The following LMOD3 variants were observed in gnomAD, a reference collection of about 807,000 sequenced individuals.
The protein encoded by LMOD3 is leiomodin 3.
LMOD3 carries 31 observed loss-of-function variants against 41.8 expected under a neutral mutation model. The ratio of observed to expected loss-of-function variants is 0.74; its 90% CI spans 0.56 to 1.00. LMOD3 has a LOEUF of 1.00. Ranked by LOEUF, LMOD3 falls within the 50% of genes least tolerant of loss-of-function variation. The pLI, the probability that LMOD3 is intolerant of heterozygous loss-of-function variation, is 0.00. For synonymous variants in LMOD3, 292 were observed against 241.9 expected, an observed-to-expected ratio of 1.21 and a Z score of -1.92; for missense variants, 755 against 679.5, an observed-to-expected ratio of 1.11 and a Z score of -1.23.
chr3:69,111,654 C>G (rs2092350779), intron 2 of LMOD3, among the ~76,000 whole-genome samples: 1 of 152,208 alleles, frequency 6.6e-6, no homozygotes, highest in Non-Finnish European at 1.5e-5. Flanking sequence ...TAACTCAAAG[C>G]AGCCAGGCCC....
At position 69,119,502 on chromosome 3, in the gene LMOD3, T is replaced by C. The variant is rs2092395946; in HGVS notation, c.853A>G (p.Lys285Glu). 6.2e-7 allele frequency: 1 copy of C among 1,613,926 alleles called. No homozygotes were observed. Among genetic ancestry groups the C allele is most frequent in the Non-Finnish European group, 8.5e-7 (1 of 1,179,894 alleles). ...VNAMKKNKHI[K>E]TFSLANVGAD... is the part of the protein sequence containing the mutation. ...CCCACATTGGCTAAACTGAATGTTT[T>C]GATGTGCTTGTTTTTCTTCATTGCA... Residue 285 changes from lysine (K) to glutamate (E), a missense_variant, in exon 2 of 3, where the codon AAA becomes GAA. Physicochemically the swap from Lys to Glu is moderately conservative, Grantham distance 56. Coordinates refer to ENST00000420581, the MANE Select transcript of LMOD3 (RefSeq NM_198271.5).
intron 2 of LMOD3, among the ~76,000 whole-genome samples, chr3:69,111,802 T>C (rs985013088): frequency 1.3e-5 from 2 of 152,182 alleles, no homozygotes; most frequent in Non-Finnish European, 2.9e-5. Flanking sequence ...CAGACACATA[T>C]TTACTTTAAA....
Position 69,119,624 on chromosome 3 carries a change from C to T in LMOD3, c.731G>A (p.Ser244Asn), listed in dbSNP as rs763490167. 6 of 1,613,810 alleles carry T rather than the reference C, an allele frequency of 3.7e-6. No individual in the cohort carries two copies. The highest frequency in any genetic ancestry group is 1.3e-5 in the African/African-American group (1 of 75,046). The change falls in exon 2 of 3, where the codon AGC becomes AAC. Residue 244 changes from serine to asparagine, a missense_variant. Transcript: ENST00000420581. ...ATCATTTTTCCTAACTCTCCTCAAGCTCCCATCCAGGTCTGTCTGGTTTCC... is the reference window on the plus strand; with the variant it reads ...ATCATTTTTCCTAACTCTCCTCAAGTTCCCATCCAGGTCTGTCTGGTTTCC... ...PSGNQTDLDG[S>N]LRRVRKNDPD...
At chr3:69,116,764 A>G (rs938995012) in intron 2 of LMOD3, among the ~76,000 whole-genome samples, 3 of 152,190 alleles carry the variant, frequency 2.0e-5, no homozygotes, top group African/African-American at 7.2e-5. Flanking sequence ...TGCCTGACAT[A>G]TATATTTGTT....
chr3:69,121,112 A>G (rs944254368), intron 1 of LMOD3, among the ~76,000 whole-genome samples: 7 of 152,226 alleles, frequency 4.6e-5, no homozygotes, highest in Non-Finnish European at 8.8e-5. Flanking sequence ...TACCAGAGGA[A>G]GGAAAAACAT....
intron 1 of LMOD3, 61 bp downstream of exon 1, chr3:69,122,032 G>C: frequency 7.3e-7 from 1 of 1,374,204 alleles, no homozygotes; most frequent in South Asian, 1.3e-5. Flanking sequence ...AGTTACAACA[G>C]AGAGACCTAA....
rs953699033 is a variant in LMOD3, at chr3:69,119,498, G to A, written c.857C>T (p.Thr286Ile). The A allele has an allele frequency of 2.6e-5, 42 of 1,613,856 alleles. No individual in the cohort carries two copies. Among genetic ancestry groups the A allele is most frequent in the Non-Finnish European group, 3.0e-5 (35 of 1,179,878 alleles). The change falls in exon 2 of 3, where the codon ACA becomes ATA. Residue 286 changes from threonine (T) to isoleucine (I), a missense_variant. Physicochemically the swap from Thr to Ile is moderately conservative, Grantham distance 89 (BLOSUM62 -1). Coordinates refer to ENST00000420581, the MANE Select transcript of LMOD3 (RefSeq NM_198271.5). ...TGCACCCACATTGGCTAAACTGAATGTTTTGATGTGCTTGTTTTTCTTCAT... is the reference window on the plus strand; with the variant it reads ...TGCACCCACATTGGCTAAACTGAATATTTTGATGTGCTTGTTTTTCTTCAT... ...NAMKKNKHIK[T>I]FSLANVGADE...
chr3:69,112,378 C>A (rs906115139), intron 2 of LMOD3, among the ~76,000 whole-genome samples: 4 of 152,208 alleles, frequency 2.6e-5, no homozygotes, highest in African/African-American at 9.7e-5. Flanking sequence ...CAGAGATGAG[C>A]AAGACCTGCT....
Position 69,117,542 on chromosome 3 carries a change from G to A in LMOD3, c.1656+1157C>T, listed in dbSNP as rs1353339645. 1.3e-5 allele frequency among the ~76,000 whole-genome samples: 2 copies of A among 152,064 alleles called. 1 individual carries two copies. The highest frequency in any genetic ancestry group is 4.2e-4 in the South Asian group (2 of 4,818). ...AACACATCTTTCAACCTCAATAAACGCCATCATAATAATGACCAAAATATC... is the reference window on the plus strand; with the variant it reads ...AACACATCTTTCAACCTCAATAAACACCATCATAATAATGACCAAAATATC... On this transcript the variant is annotated intron_variant, in intron 2 of 2. Transcript: ENST00000420581.
In LMOD3 at chr3:69,109,017, C is replaced by A; in HGVS notation, c.*78G>T. 2 of 1,248,008 alleles carry A rather than the reference C, an allele frequency of 1.6e-6. No individual in the cohort carries two copies. The highest frequency in any genetic ancestry group is 2.3e-6 in the Non-Finnish European group (2 of 875,140). 77.3% of individuals were successfully genotyped at this position (1,248,008 alleles called of 1,614,324 possible). On this transcript the variant is annotated 3_prime_UTR_variant, in exon 3 of 3. Transcript: ENST00000420581. Reference sequence around the variant, plus strand: ...CTGCCACGTGGATCCTAAAGTATTGCTGCTGACATAGTCTCCATGCTGTAA... The same window carrying A: ...CTGCCACGTGGATCCTAAAGTATTGATGCTGACATAGTCTCCATGCTGTAA...
intron 2 of LMOD3, among the ~76,000 whole-genome samples, chr3:69,117,292 G>A (rs936498247): frequency 2.6e-5 from 4 of 152,154 alleles, no homozygotes; most frequent in Admixed American, 6.5e-5. Flanking sequence ...TCTAGGAGTT[G>A]GGAATAAGGA....
rs1206694430 is a variant in LMOD3, at chr3:69,119,914, A to G, written c.441T>C (p.Asp147=). The G allele has an allele frequency of 4.5e-6, 7 of 1,549,876 alleles. No individual in the cohort carries two copies. The highest frequency in any genetic ancestry group is 3.3e-4 in the Middle Eastern group (2 of 5,982). Residue 147 remains aspartate (D), a synonymous_variant, in exon 2 of 3, where the codon GAT becomes GAC. Coordinates refer to ENST00000420581, the MANE Select transcript of LMOD3 (RefSeq NM_198271.5). ...SSNIQETDEE[D]EEEEDDDDDD... ...CATCATCATCATCTTCTTCTTCTTC[A>G]TCTTCTTCATCTGTTTCTTGGATAT...
At chr3:69,118,033 T>C (rs893499254) in intron 2 of LMOD3, among the ~76,000 whole-genome samples, 3 of 152,294 alleles carry the variant, frequency 2.0e-5, no homozygotes, top group African/African-American at 7.2e-5. Context: ...GGTTTCACCA[T>C]GTTGGCCAGA....
At chr3:69,113,214 T>C (rs901037077) in intron 2 of LMOD3, among the ~76,000 whole-genome samples, 1 of 152,040 alleles carries the variant, frequency 6.6e-6, no homozygotes, top group Non-Finnish European at 1.5e-5. Flanking sequence ...GACAGAAAAC[T>C]GGGAACCAGA....
intron 1 of LMOD3, 53 bp from the exon 2 acceptor site, chr3:69,120,113 G>A: frequency 6.6e-7 from 1 of 1,514,974 alleles, no homozygotes; most frequent in Non-Finnish European, 8.8e-7. Flanking sequence ...GAAATATGAA[G>A]TGGAGCATCA....
At position 69,119,977 on chromosome 3, in the gene LMOD3, T is replaced by C. The variant is rs1379177806; in HGVS notation, c.378A>G (p.Glu126=). ...TTGATTCTCTTTTATTTGCAACTATTTCATTATTGAGCTTTTCTTTTAAAT... is the reference window on the plus strand; with the variant it reads ...TTGATTCTCTTTTATTTGCAACTATCTCATTATTGAGCTTTTCTTTTAAAT... ...AQYLKEKLNN[E]IVANKRESKG... The change falls in exon 2 of 3, where the codon GAA becomes GAG. Residue 126 remains glutamate, a synonymous_variant. Coordinates refer to ENST00000420581, the MANE Select transcript of LMOD3 (RefSeq NM_198271.5). 2.5e-6 allele frequency: 4 copies of C among 1,598,406 alleles called. No individual in the cohort carries two copies. Among genetic ancestry groups the C allele is most frequent in the Non-Finnish European group, 3.4e-6 (4 of 1,171,084 alleles).
intron 2 of LMOD3, among the ~76,000 whole-genome samples, chr3:69,110,897 A>C (rs1007630942): frequency 4.1e-5 from 6 of 145,854 alleles, no homozygotes; most frequent in Non-Finnish European, 7.5e-5. Context: ...CCCCCAAGAC[A>C]AAAAAAAATT....
At chr3:69,111,331 C>T (rs1411057427) in intron 2 of LMOD3, among the ~76,000 whole-genome samples, 2 of 152,186 alleles carry the variant, frequency 1.3e-5, no homozygotes, top group Admixed American at 6.5e-5. Context: ...CCTCTACCTC[C>T]CTTGTGCCAA....
intron 1 of LMOD3, 37 bp from the exon 2 acceptor site, chr3:69,120,097 A>G: frequency 6.5e-7 from 1 of 1,534,498 alleles, no homozygotes; most frequent in Non-Finnish European, 8.7e-7. Flanking sequence ...AATACATAGC[A>G]GAGAAGAAAT....
Sources: gnomAD v4.1 joint callset for allele counts (sites outside exome capture counted in the v4.1 genomes callset) on GRCh38, gnomAD v4.1.1 for gene constraint, MANE v1.5 for transcripts, NCBI Gene and HGNC (gene_info 2026-07-23, HGNC 2026-07-21) for gene names.